The following SPECC1 variants were observed in gnomAD, a reference collection of about 807,000 sequenced individuals.
SPECC1 encodes the protein sperm antigen with calponin homology and coiled-coil domains 1.
Under a neutral mutation model 104.1 loss-of-function variants are expected in SPECC1, and 62 were observed. The observed-to-expected ratio is 0.60, with a 90% CI of 0.49 to 0.74. The LOEUF (loss-of-function observed/expected upper bound fraction) is 0.74. Among genes scored for constraint, SPECC1 ranks in the 30% least tolerant of loss-of-function variants. The pLI, the probability that SPECC1 is intolerant of heterozygous loss-of-function variation, is 0.00. For synonymous variants in SPECC1, 513 were observed against 501.6 expected (o/e 1.02, Z -0.30); for missense variants, 1,306 against 1,310.5 (o/e 1.00, Z 0.05).
At chr17:20,263,770 C>T (rs1053212166) in intron 12 of SPECC1, among the ~76,000 whole-genome samples, 3 of 152,138 alleles carry the variant, frequency 2.0e-5, no homozygotes, top group Non-Finnish European at 2.9e-5. Context: ...AGACAATTCA[C>T]GTTTTCAGAA....
chr17:20,148,674 G>A (rs1359202457), intron 3 of SPECC1, among the ~76,000 whole-genome samples: 1 of 151,848 alleles, frequency 6.6e-6, no homozygotes, highest in Non-Finnish European at 1.5e-5. Context: ...TCTTATCCAG[G>A]TATCTGTGTC....
chr17:20,186,844 G>C (rs914028154), intron 3 of SPECC1, among the ~76,000 whole-genome samples: 1 of 152,176 alleles, frequency 6.6e-6, no homozygotes. Context: ...TGGGATTATA[G>C]ATCATAGGTG....
In SPECC1 at chr17:20,300,481, C is replaced by G. The variant is rs1048801932; in HGVS notation, c.3057+3404C>G. ...GTGCTGGGTGAAGCCCACACATGCA[C>G]ACACCTACGTCCTCCTGACAGTGTG... is the stretch of plus-strand genomic sequence containing the variant. On this transcript the variant is annotated intron_variant, in intron 13 of 14. Transcript: ENST00000395527. 5.9e-5 allele frequency among the ~76,000 whole-genome samples: 9 copies of G among 152,382 alleles called. No individual in the cohort carries two copies. In the East Asian group the frequency reaches 1.3e-3, roughly 23 times the overall value.
Position 20,257,528 on chromosome 17 carries a change from A to C in SPECC1, c.2758A>C (p.Arg920=), listed in dbSNP as rs1358719186. 1 of 1,613,620 alleles carries C rather than the reference A, an allele frequency of 6.2e-7. No individual in the cohort carries two copies. The change falls in exon 11 of 15, where the codon AGA becomes CGA. Residue 920 remains arginine (R), a synonymous_variant. Transcript: ENST00000395527. ...RKSPSLESLS[R]PPSLGFGDTR... is the part of the protein sequence containing the mutation. ...GAGTCCCTCACTAGAGTCACTGAGC[A>C]GACCCCCGTCTCTGGGCTTTGGGGA...
At position 20,205,672 on chromosome 17, in the gene SPECC1, A is replaced by T; in HGVS notation, c.1623A>T (p.Arg541Ser). Residue 541 changes from arginine (R) to serine (S), a missense_variant, in exon 4 of 15, where the codon AGA becomes AGT. This residue lies in a region of SPECC1 where 1,177 missense variants were observed against 1,139.9 expected (regional missense o/e 1.03). Transcript: ENST00000395527. ...NMMAKTLEEC[R>S]VTLEGLKMEN... ...TGGCCAAAACTTTGGAAGAGTGTAG[A>T]GTTACCTTGGAAGGGCTAAAAATGG... 1 of 1,614,228 alleles carries T rather than the reference A, an allele frequency of 6.2e-7. No homozygotes were observed. Among genetic ancestry groups the T allele is most frequent in the Non-Finnish European group, 8.5e-7 (1 of 1,180,042 alleles).
chr17:20,232,487 GT>G, intron 7 of SPECC1, 82 bp downstream of exon 7: 1 of 1,436,218 alleles, frequency 7.0e-7, no homozygotes, highest in South Asian at 1.3e-5. Context: ...GACTCTTCAT[GT>G]CTGTGCCAGG....
At chr17:20,255,787 G>T in intron 10 of SPECC1, among the ~76,000 whole-genome samples, 1 of 152,144 alleles carries the variant, frequency 6.6e-6, no homozygotes, top group Non-Finnish European at 1.5e-5. Flanking sequence ...GCCCAGGCTG[G>T]TCTTGAACTC....
chr17:20,111,008 A>G (rs2048463749), intron 3 of SPECC1, among the ~76,000 whole-genome samples: 1 of 152,312 alleles, frequency 6.6e-6, no homozygotes, highest in African/African-American at 2.4e-5. Flanking sequence ...AAGGCTGCTC[A>G]GAGTGGCTTG....
At chr17:20,043,767 C>G (rs370315897) in intron 1 of SPECC1, among the ~76,000 whole-genome samples, 1 of 152,124 alleles carries the variant, frequency 6.6e-6, no homozygotes, top group South Asian at 2.1e-4. Flanking sequence ...TTTAGAAATG[C>G]AAATAAATTT....
At chr17:20,299,241 C>G (rs989556816) in intron 13 of SPECC1, among the ~76,000 whole-genome samples, 1 of 151,856 alleles carries the variant, frequency 6.6e-6, no homozygotes, top group East Asian at 1.9e-4. Context: ...TTTGCTTTGC[C>G]GAAAGTCTCC....
In SPECC1 at chr17:20,317,910, C is replaced by T. The variant is rs1007183664; in HGVS notation, c.*3845C>T. ...TGCAGGACCTGGGGGAGGCAGTCCC[C>T]AACCCAGCTAGGCCAAGGGGTAGGG... On this transcript the variant is annotated 3_prime_UTR_variant, in exon 15 of 15. Transcript: ENST00000395527. The T allele has an allele frequency of 1.0e-4, 23 of 225,464 alleles. No individual in the cohort carries two copies. The highest frequency in any genetic ancestry group is 4.7e-4 in the African/African-American group (21 of 44,886). The allele number at this position is 225,464 out of a possible 1,614,324, so 14.0% of individuals were successfully genotyped here. A position where few individuals can be genotyped will look rare whatever the true frequency, so the allele number is the denominator to read the frequency against.
Position 20,205,361 on chromosome 17 carries a change from C to G in SPECC1, c.1312C>G (p.Gln438Glu), listed in dbSNP as rs1255411987. The change falls in exon 4 of 15, where the codon CAA (glutamine) becomes GAA (glutamate). Residue 438 changes from glutamine (Q) to glutamate (E), a missense_variant. This residue lies in a region of SPECC1 where 1,177 missense variants were observed against 1,139.9 expected (regional missense o/e 1.03). Transcript: ENST00000395527. ...TCGAGAGAGGGCAGAGCAGCTAAGT[C>G]AAGAAAATGAGAAGCTGATGAATCT... The part of the protein sequence containing the change: ...QHRERAEQLS[Q>E]ENEKLMNLLQ... 1.2e-6 allele frequency: 2 copies of G among 1,613,544 alleles called. No homozygotes were observed. The highest frequency in any genetic ancestry group is 2.2e-5 in the East Asian group (1 of 44,870).
intron 3 of SPECC1, among the ~76,000 whole-genome samples, chr17:20,133,168 G>GA (rs2049744981): frequency 6.6e-6 from 1 of 151,810 alleles, no homozygotes; most frequent in Non-Finnish European, 1.5e-5. Flanking sequence ...TCAGAAGTTT[G>GA]TCAATTTTAT....
chr17:20,157,828 C>T (rs1230588585), intron 3 of SPECC1, among the ~76,000 whole-genome samples: 1 of 152,082 alleles, frequency 6.6e-6, no homozygotes, highest in Non-Finnish European at 1.5e-5. Flanking sequence ...ATGAAGATAC[C>T]GGATTTAGGG....
Position 20,314,101 on chromosome 17 carries a change from A to G in SPECC1, c.*36A>G. 2 of 1,583,614 alleles carry G rather than the reference A, an allele frequency of 1.3e-6. No homozygotes were observed. Among genetic ancestry groups the G allele is most frequent in the Non-Finnish European group, 1.7e-6 (2 of 1,155,232 alleles). Reference sequence around the variant, plus strand: ...CCTGGGGCAGCCACCATTGCCACCTACTGCAGCTTTTCCTGGAAGCGCCTG... The same window carrying G: ...CCTGGGGCAGCCACCATTGCCACCTGCTGCAGCTTTTCCTGGAAGCGCCTG... On this transcript the variant is annotated 3_prime_UTR_variant, in exon 15 of 15. Coordinates refer to ENST00000395527, the MANE Select transcript of SPECC1 (RefSeq NM_001243439.2).
intron 9 of SPECC1, among the ~76,000 whole-genome samples, chr17:20,249,298 G>T (rs1391443787): frequency 1.3e-5 from 2 of 152,056 alleles, no homozygotes; most frequent in Non-Finnish European, 2.9e-5. Context: ...TGTGCCTGTT[G>T]TCCCAGCCAC....
In SPECC1 at chr17:20,260,009, T is replaced by A. The variant is rs192937041; in HGVS notation, c.2838-183T>A. On this transcript the variant is annotated intron_variant, in intron 11 of 14. Coordinates refer to ENST00000395527, the MANE Select transcript of SPECC1 (RefSeq NM_001243439.2). Reference sequence around the variant, plus strand: ...TTTATGATAGTCAGGAAGCACAATTTAATTTTTATTTTATACTGTGAGATA... The same window carrying A: ...TTTATGATAGTCAGGAAGCACAATTAAATTTTTATTTTATACTGTGAGATA... Among the ~76,000 whole-genome samples, 51 of 152,374 alleles carry A rather than the reference T, an allele frequency of 3.3e-4. 1 individual carries two copies. The Middle Eastern group carries it at 0.01, about 30-fold the overall frequency.
At chr17:20,164,911 A>G (rs1367248414) in intron 3 of SPECC1, among the ~76,000 whole-genome samples, 1 of 152,214 alleles carries the variant, frequency 6.6e-6, no homozygotes, top group African/African-American at 2.4e-5. Context: ...CTTAAAATAT[A>G]TAAATATTTT....
intron 1 of SPECC1, among the ~76,000 whole-genome samples, chr17:20,070,204 G>T (rs188563987): frequency 3.3e-5 from 5 of 152,312 alleles, no homozygotes; most frequent in African/African-American, 9.6e-5. Flanking sequence ...GATCTTAGGA[G>T]AAAGCTATCA....
Sources: gnomAD v4.1 joint callset for allele counts (sites outside exome capture counted in the v4.1 genomes callset) on GRCh38, gnomAD v4.1.1 for gene constraint, gnomAD v4.1.1 regional missense constraint, MANE v1.5 for transcripts, NCBI Gene and HGNC (gene_info 2026-07-23, HGNC 2026-07-21) for gene names.